NAALADL2: variants seen among roughly 807,000 people sequenced by gnomAD.
NAALADL2 encodes N-acetylated alpha-linked acidic dipeptidase like 2.
Under a neutral mutation model 87.2 loss-of-function variants are expected in NAALADL2, and 76 were observed. The observed-to-expected ratio is 0.87, with a 90% CI of 0.72 to 1.05. The LOEUF (loss-of-function observed/expected upper bound fraction) is 1.05, where lower values mean the gene tolerates loss of function less well. Among genes scored for constraint, NAALADL2 ranks in the 50% least tolerant of loss-of-function variants. The probability of loss-of-function intolerance (pLI) is 0.00; values close to 1 mark genes in which losing one functional copy is unlikely to be tolerated. For missense variants in NAALADL2, 1,089 were observed against 945.8 expected, an observed-to-expected ratio of 1.15 and a Z score of -1.99; for synonymous variants, 354 against 331.0, an observed-to-expected ratio of 1.07 and a Z score of -0.75.
At chr3:174,981,751 G>A (rs576495592) in intron 1 of NAALADL2, among the ~76,000 whole-genome samples, 1 of 152,042 alleles carries the variant, frequency 6.6e-6, no homozygotes, top group African/African-American at 2.4e-5. Context: ...GCAGTACAGT[G>A]TCAGTTGGTG....
intron 1 of NAALADL2, among the ~76,000 whole-genome samples, chr3:174,987,593 AAAAAAC>A (rs1560446094): frequency 1.4e-5 from 2 of 142,668 alleles, no homozygotes; most frequent in African/African-American, 2.7e-5. Flanking sequence ...AAAAAAAAAA[AAAAAAC>A]AATACTCATC....
chr3:175,229,835 TAGTG>T, intron 2 of NAALADL2, among the ~76,000 whole-genome samples: 1 of 151,974 alleles, frequency 6.6e-6, no homozygotes, highest in East Asian at 1.9e-4. Context: ...GCATGGAAAT[TAGTG>T]AGCTCATTCC....
chr3:174,872,628 T>G (rs1727975639), intron 1 of NAALADL2, among the ~76,000 whole-genome samples: 1 of 152,128 alleles, frequency 6.6e-6, no homozygotes, highest in South Asian at 2.1e-4. Context: ...GAAGCTAAGC[T>G]AAATTCAAGG....
At chr3:175,586,819 A>G (rs1017503327) in intron 10 of NAALADL2, among the ~76,000 whole-genome samples, 4 of 152,222 alleles carry the variant, frequency 2.6e-5, no homozygotes, top group Non-Finnish European at 5.9e-5. Flanking sequence ...TAATACATAT[A>G]AGAATTTTGG....
chr3:174,572,900 A>G (rs1018889780), intron 2 of NAALADL2, among the ~76,000 whole-genome samples: 4 of 152,210 alleles, frequency 2.6e-5, no homozygotes, highest in Admixed American at 6.5e-5. Flanking sequence ...AAACAACTCT[A>G]TGAGGTAGGT....
chr3:175,553,935 T>C (rs1217363553), intron 9 of NAALADL2, among the ~76,000 whole-genome samples: 2 of 152,102 alleles, frequency 1.3e-5, no homozygotes, highest in African/African-American at 4.8e-5. Context: ...TCAGGTGATA[T>C]ACAGGGTAAA....
chr3:175,211,990 G>A (rs955690470), intron 2 of NAALADL2, among the ~76,000 whole-genome samples: 7 of 151,448 alleles, frequency 4.6e-5, no homozygotes, highest in East Asian at 1.9e-4. Flanking sequence ...TAAAAATATC[G>A]TATTTTTTTG....
At chr3:175,431,775 A>C (rs578094426) in intron 5 of NAALADL2, among the ~76,000 whole-genome samples, 1 of 152,070 alleles carries the variant, frequency 6.6e-6, no homozygotes, top group Non-Finnish European at 1.5e-5. Flanking sequence ...AAATATAATT[A>C]TTTAAAATAT....
At position 174,921,828 on chromosome 3, in the gene NAALADL2, GA is replaced by G. The variant is rs1441604060; in HGVS notation, c.43+62383del. Reference sequence around the variant, plus strand: ...TCAAAAAAAAAAAAAAAAAGAAAAAGAAAAAGAAAAGAAAAAAATCTTCTTA... The same window carrying G: ...TCAAAAAAAAAAAAAAAAAGAAAAAGAAAAGAAAAGAAAAAAATCTTCTTA... On this transcript the variant is annotated intron_variant, in intron 1 of 13. Transcript: ENST00000454872. 8.5e-3 allele frequency among the ~76,000 whole-genome samples: 602 copies of G among 71,076 alleles called. 9 individuals are homozygous for G. Among genetic ancestry groups the G allele is most frequent in the African/African-American group, 0.04 (549 of 13,722 alleles). 46.6% of individuals were successfully genotyped at this position (71,076 alleles called of 152,430 possible). A position where few individuals can be genotyped will look rare whatever the true frequency, so the allele number is the denominator to read the frequency against.
At position 174,733,980 on chromosome 3, in the gene NAALADL2, T is replaced by C. The variant is rs145455182; in HGVS notation, c.-114-3661T>C. Among the ~76,000 whole-genome samples the C allele has an allele frequency of 7.1e-3, 1,079 of 152,246 alleles. 7 individuals are homozygous for C. The highest frequency in any genetic ancestry group is 0.012 in the Non-Finnish European group (830 of 68,008). On this transcript the variant is annotated intron_variant, in intron 2 of 3. Transcript: ENST00000434257. Reference sequence around the variant, plus strand: ...GAAGAAGAAATTCAGGTAAAACAAATGTAAGCTTCAAGCTTTAAGACCAGA... The same window carrying C: ...GAAGAAGAAATTCAGGTAAAACAAACGTAAGCTTCAAGCTTTAAGACCAGA...
intron 10 of NAALADL2, among the ~76,000 whole-genome samples, chr3:175,590,778 G>T (rs975550225): frequency 6.6e-6 from 1 of 152,090 alleles, no homozygotes; most frequent in Non-Finnish European, 1.5e-5. Flanking sequence ...TTCCGAAAAG[G>T]GTGGGAGAGA....
chr3:175,107,239 A>G (rs1388314141), intron 2 of NAALADL2, among the ~76,000 whole-genome samples: 1 of 152,058 alleles, frequency 6.6e-6, no homozygotes, highest in East Asian at 1.9e-4. Flanking sequence ...GATATAAATT[A>G]GTAGGCTTGG....
At chr3:175,600,746 C>G (rs1201497029) in intron 10 of NAALADL2, among the ~76,000 whole-genome samples, 1 of 151,656 alleles carries the variant, frequency 6.6e-6, no homozygotes, top group Non-Finnish European at 1.5e-5. Context: ...ACCGTGTTAG[C>G]CAGGATGGTC....
At chr3:175,221,865 C>T (rs1743430514) in intron 2 of NAALADL2, among the ~76,000 whole-genome samples, 2 of 151,956 alleles carry the variant, frequency 1.3e-5, no homozygotes, top group South Asian at 2.1e-4. Flanking sequence ...ACTTCCACCT[C>T]CCAGGTTCAA....
chr3:174,981,672 TA>T (rs546349340), intron 1 of NAALADL2, among the ~76,000 whole-genome samples: 14 of 152,290 alleles, frequency 9.2e-5, no homozygotes, highest in Admixed American at 2.0e-4. Context: ...CGGATCATGA[TA>T]AAAAAACCCC....
intron 1 of NAALADL2, among the ~76,000 whole-genome samples, chr3:175,056,429 G>T (rs1330962263): frequency 6.6e-6 from 1 of 152,118 alleles, no homozygotes; most frequent in Non-Finnish European, 1.5e-5. Context: ...GTGTCCTACA[G>T]CTTAGTTTTC....
At chr3:175,318,881 AG>A (rs1458887623) in intron 4 of NAALADL2, among the ~76,000 whole-genome samples, 1 of 152,252 alleles carries the variant, frequency 6.6e-6, no homozygotes, top group Non-Finnish European at 1.5e-5. Flanking sequence ...GGAATTATAC[AG>A]GAAGCAGCTT....
At chr3:175,349,571 ACT>A (rs1763525145) in intron 5 of NAALADL2, among the ~76,000 whole-genome samples, 1 of 151,674 alleles carries the variant, frequency 6.6e-6, no homozygotes, top group East Asian at 1.9e-4. Context: ...TTTAAATATG[ACT>A]CTTTTTTTTA....
chr3:174,595,108 C>T (rs1717754358), intron 2 of NAALADL2, among the ~76,000 whole-genome samples: 1 of 152,086 alleles, frequency 6.6e-6, no homozygotes, highest in African/African-American at 2.4e-5. Flanking sequence ...TCATCATGGC[C>T]ATTTTCTAGC....
Sources: allele counts gnomAD v4.1 joint callset (sites outside exome capture counted in the v4.1 genomes callset), GRCh38; gene constraint gnomAD v4.1.1; transcripts MANE v1.5; gene names NCBI Gene and HGNC (gene_info 2026-07-23, HGNC 2026-07-21).